The following IQCJ variants were observed in gnomAD, a reference collection of about 807,000 sequenced individuals.
The protein encoded by IQCJ is IQ motif containing J.
IQCJ carries 9 observed loss-of-function variants against 11.0 expected under a neutral mutation model. The observed-to-expected ratio is 0.82, with a 90% CI of 0.49 to 1.43. The LOEUF is 1.43. Ranked by LOEUF, IQCJ falls within the 40% of genes most tolerant of loss-of-function variation. The pLI is 0.00. For missense variants in IQCJ, 146 were observed against 133.2 expected (o/e 1.10, Z -0.47); for synonymous variants, 55 against 51.3 (o/e 1.07, Z -0.31).
chr3:159,180,591 GAT>G (rs1723040887), intron 1 of IQCJ, among the ~76,000 whole-genome samples: 1 of 151,810 alleles, frequency 6.6e-6, no homozygotes. Flanking sequence ...GATGGAGAGA[GAT>G]AGGGCAGGAG....
intron 1 of IQCJ, among the ~76,000 whole-genome samples, chr3:159,094,195 C>G (rs1376003471): frequency 6.6e-6 from 1 of 151,632 alleles, no homozygotes; most frequent in Non-Finnish European, 1.5e-5. Context: ...GCTATAGGTC[C>G]AGACCACGAC....
chr3:159,260,865 G>A (rs983458844), intron 3 of IQCJ, among the ~76,000 whole-genome samples: 2 of 151,818 alleles, frequency 1.3e-5, no homozygotes, highest in Non-Finnish European at 2.9e-5. Flanking sequence ...AAATCATGAA[G>A]AGCCCCTCAT....
intron 1 of IQCJ, among the ~76,000 whole-genome samples, chr3:159,204,698 A>G (rs1172023910): frequency 6.6e-6 from 1 of 152,218 alleles, no homozygotes; most frequent in East Asian, 1.9e-4. Flanking sequence ...ATTTATGGCC[A>G]TCTTCAATCT....
chr3:159,158,640 T>G (rs1366541904), intron 1 of IQCJ, among the ~76,000 whole-genome samples: 1 of 152,256 alleles, frequency 6.6e-6, no homozygotes, highest in African/African-American at 2.4e-5. Context: ...AATACATTTT[T>G]GTTTTTACTA....
At chr3:159,179,093 C>A (rs1286259852) in intron 1 of IQCJ, among the ~76,000 whole-genome samples, 1 of 152,136 alleles carries the variant, frequency 6.6e-6, no homozygotes, top group African/African-American at 2.4e-5. Flanking sequence ...TGTCCGTGAA[C>A]AGGAGTTATG....
intron 1 of IQCJ, among the ~76,000 whole-genome samples, chr3:159,192,159 TG>T (rs969830281): frequency 3.3e-5 from 5 of 152,182 alleles, no homozygotes; most frequent in African/African-American, 1.2e-4. Context: ...TAGATGATCT[TG>T]TTGGTAAAAA....
chr3:159,198,098 CT>C (rs1043065394), intron 1 of IQCJ, among the ~76,000 whole-genome samples: 1 of 152,120 alleles, frequency 6.6e-6, no homozygotes, highest in Non-Finnish European at 1.5e-5. Context: ...ATGAAAAGTG[CT>C]TTCTAGCAAT....
intron 1 of IQCJ, among the ~76,000 whole-genome samples, chr3:159,081,017 A>G (rs1461956029): frequency 6.6e-6 from 1 of 152,100 alleles, no homozygotes; most frequent in Non-Finnish European, 1.5e-5. Context: ...CTGGCCAGAC[A>G]ATAAAGAGTT....
At chr3:159,116,154 G>A (rs899716470) in intron 1 of IQCJ, among the ~76,000 whole-genome samples, 1 of 152,058 alleles carries the variant, frequency 6.6e-6, no homozygotes, top group African/African-American at 2.4e-5. Flanking sequence ...AGGAACCCTT[G>A]AGCCTGGGAG....
chr3:159,232,497 C>T (rs906652524), intron 1 of IQCJ, among the ~76,000 whole-genome samples: 4 of 143,486 alleles, frequency 2.8e-5, no homozygotes, highest in Non-Finnish European at 4.5e-5. Flanking sequence ...CCCTGTGTCA[C>T]CCAGGCTGGA....
At position 159,227,829 on chromosome 3, in the gene IQCJ, G is replaced by T. The variant is rs73877564; in HGVS notation, c.10-18014G>T. 8.6e-3 allele frequency among the ~76,000 whole-genome samples: 1,314 copies of T among 152,240 alleles called. 19 individuals carry two copies. Among genetic ancestry groups the T allele is most frequent in the African/African-American group, 0.031 (1,274 of 41,528 alleles). On this transcript the variant is annotated intron_variant, in intron 1 of 3. Coordinates refer to ENST00000397832, the MANE Select transcript of IQCJ (RefSeq NM_001042706.3). The stretch of plus-strand genomic sequence containing the variant: ...CAGGTGAGAACATGGATGTTGCAGA[G>T]AATACAGGATGCAATCCTCAATTTT...
intron 1 of IQCJ, among the ~76,000 whole-genome samples, chr3:159,183,578 A>G (rs994934722): frequency 2.0e-5 from 3 of 152,218 alleles, no homozygotes; most frequent in African/African-American, 4.8e-5. Context: ...TAGGCTTGAC[A>G]GTAACAAATA....
intron 1 of IQCJ, among the ~76,000 whole-genome samples, chr3:159,220,081 A>G (rs6781001): frequency 0.14 from 21,481 of 152,160 alleles, 1,772 homozygotes; most frequent in Middle Eastern, 0.2. Context: ...TCAGATTTCT[A>G]TGACATGTGC....
At chr3:159,115,245 T>G (rs970925521) in intron 1 of IQCJ, among the ~76,000 whole-genome samples, 3 of 152,222 alleles carry the variant, frequency 2.0e-5, no homozygotes, top group Non-Finnish European at 4.4e-5. Flanking sequence ...CTCTCTTCCA[T>G]GGCTCTGTCA....
At chr3:159,171,857 A>T (rs551423963) in intron 1 of IQCJ, among the ~76,000 whole-genome samples, 1 of 152,290 alleles carries the variant, frequency 6.6e-6, no homozygotes, top group East Asian at 1.9e-4. Flanking sequence ...TGTGTGATTG[A>T]CCAGAGACCT....
chr3:159,173,705 G>A lies in IQCJ; in HGVS notation c.10-72138G>A, dbSNP rs1385213506. 2.0e-5 allele frequency among the ~76,000 whole-genome samples: 3 copies of A among 152,238 alleles called. No homozygotes were observed. The East Asian group carries it at 5.8e-4, about 29-fold the overall frequency. Reference sequence around the variant, plus strand: ...CAGCGAAGTTTGCTGCCAACTGATTGTCATTCCTTATGGATAATCTTTTCT... The same window carrying A: ...CAGCGAAGTTTGCTGCCAACTGATTATCATTCCTTATGGATAATCTTTTCT... On this transcript the variant is annotated intron_variant, in intron 1 of 3. Transcript: ENST00000397832.
chr3:159,205,079 G>T (rs2108076385), intron 1 of IQCJ, among the ~76,000 whole-genome samples: 1 of 152,286 alleles, frequency 6.6e-6, no homozygotes, highest in South Asian at 2.1e-4. Context: ...TCTGCAAGGA[G>T]TTTGGCCAAT....
intron 1 of IQCJ, among the ~76,000 whole-genome samples, chr3:159,137,188 G>A (rs1349492812): frequency 2.0e-5 from 3 of 151,916 alleles, no homozygotes; most frequent in African/African-American, 7.3e-5. Flanking sequence ...CTTGAACTTG[G>A]GAGGCGGAGG....
At chr3:159,181,400 A>G (rs892410721) in intron 1 of IQCJ, among the ~76,000 whole-genome samples, 3 of 141,788 alleles carry the variant, frequency 2.1e-5, no homozygotes, top group African/African-American at 7.9e-5. Context: ...ACTTGGTTTT[A>G]ACTTGTTAAA....
Sources: gnomAD v4.1 joint callset for allele counts (sites outside exome capture counted in the v4.1 genomes callset) on GRCh38, gnomAD v4.1.1 for gene constraint, MANE v1.5 for transcripts, NCBI Gene and HGNC (gene_info 2026-07-23, HGNC 2026-07-21) for gene names.